The following FAM78B variants were observed in gnomAD, a reference collection of about 807,000 sequenced individuals.
The protein encoded by FAM78B is protein FAM78B.
A neutral mutation model predicts 20.0 loss-of-function variants in FAM78B; 10 were observed. That is an observed-to-expected ratio of 0.50 (90% confidence interval 0.31 to 0.85). The LOEUF is 0.85. Ranked by LOEUF, FAM78B falls within the 40% of genes least tolerant of loss-of-function variation. FAM78B has a pLI of 0.05. For missense variants in FAM78B, 283 were observed against 345.0 expected, an observed-to-expected ratio of 0.82 and a Z score of 1.42; for synonymous variants, 135 against 132.8, an observed-to-expected ratio of 1.02 and a Z score of -0.12.
At chr1:166,150,508 G>A (rs1430247974) in intron 1 of FAM78B, among the ~76,000 whole-genome samples, 1 of 152,078 alleles carries the variant, frequency 6.6e-6, no homozygotes, top group Non-Finnish European at 1.5e-5. Context: ...AGTTGAATTT[G>A]CAAAAATAAA....
chr1:166,071,110 G>C (rs542236941), intron 1 of FAM78B, among the ~76,000 whole-genome samples: 5 of 152,236 alleles, frequency 3.3e-5, no homozygotes, highest in African/African-American at 1.2e-4. Context: ...CCACTTTCTT[G>C]GAAATATGAA....
intron 1 of FAM78B, among the ~76,000 whole-genome samples, chr1:166,072,609 C>T (rs1037155740): frequency 6.6e-6 from 1 of 152,148 alleles, no homozygotes; most frequent in African/African-American, 2.4e-5. Flanking sequence ...ATACTGGAGT[C>T]GGTTTCATGC....
In FAM78B at chr1:166,166,285, A is replaced by G. The variant is rs1021907191; in HGVS notation, c.-37T>C. The G allele has an allele frequency of 1.5e-5, 18 of 1,218,870 alleles. 1 individual carries two copies. The Middle Eastern group carries it at 9.3e-4, about 63-fold the overall frequency. 75.5% of individuals were successfully genotyped at this position (1,218,870 alleles called of 1,614,324 possible). A position where few individuals can be genotyped will look rare whatever the true frequency, so the allele number is the denominator to read the frequency against. On this transcript the variant is annotated 5_prime_UTR_variant, in exon 1 of 2. Transcript: ENST00000354422. ...GTGCCGGCACGGCGCGGCGTGGGGCAGCGCGGGGGCCCGCGCGGGCAGCCG... is the reference window on the plus strand; with the variant it reads ...GTGCCGGCACGGCGCGGCGTGGGGCGGCGCGGGGGCCCGCGCGGGCAGCCG...
At chr1:166,074,344 A>G (rs1456971057) in intron 1 of FAM78B, among the ~76,000 whole-genome samples, 13 of 152,130 alleles carry the variant, frequency 8.5e-5, no homozygotes, top group Admixed American at 5.2e-4. Flanking sequence ...GAGAATCACC[A>G]TATGTATCAC....
intron 1 of FAM78B, among the ~76,000 whole-genome samples, chr1:166,098,546 A>C (rs1181739104): frequency 6.6e-6 from 1 of 152,088 alleles, no homozygotes; most frequent in African/African-American, 2.4e-5. Flanking sequence ...TTAAAGAAAA[A>C]ACAATAAAAA....
intron 1 of FAM78B, among the ~76,000 whole-genome samples, chr1:166,102,036 G>C (rs1451542902): frequency 6.6e-6 from 1 of 152,214 alleles, no homozygotes. Context: ...CAAGCCAGAA[G>C]AGAGTGGGGG....
rs138522179 is a variant in FAM78B at position 166,113,170 on chromosome 1, C to T, written c.264-42407G>A. Among the ~76,000 whole-genome samples the T allele has an allele frequency of 3.4e-3, 513 of 152,356 alleles. 3 individuals are homozygous for T. The highest frequency in any genetic ancestry group is 0.012 in the African/African-American group (485 of 41,586). On this transcript the variant is annotated intron_variant, in intron 1 of 1. Coordinates refer to ENST00000354422, the MANE Select transcript of FAM78B (RefSeq NM_001017961.5). ...GAGGTGAGCAAACCGACTCTCAACA[C>T]GGCCTCTGGACCAGGTTTGTTGGCC...
intron 1 of FAM78B, among the ~76,000 whole-genome samples, chr1:166,105,057 T>C (rs906976704): frequency 6.6e-6 from 1 of 152,102 alleles, no homozygotes; most frequent in African/African-American, 2.4e-5. Context: ...GCCACATATC[T>C]ACAACTATCT....
chr1:166,066,130 G>T (rs1344164864), downstream of FAM78B, among the ~76,000 whole-genome samples: 1 of 152,188 alleles, frequency 6.6e-6, no homozygotes, highest in African/African-American at 2.4e-5. Flanking sequence ...TTGTTCAGCT[G>T]GGACCTCAGT....
At chr1:166,125,801 A>T (rs1654620111) in intron 1 of FAM78B, among the ~76,000 whole-genome samples, 1 of 150,864 alleles carries the variant, frequency 6.6e-6, no homozygotes, top group Admixed American at 6.6e-5. Flanking sequence ...TTGCATTTTG[A>T]ATTTCTGTTA....
intron 1 of FAM78B, among the ~76,000 whole-genome samples, chr1:166,096,376 G>T (rs1653275932): frequency 6.6e-6 from 1 of 152,170 alleles, no homozygotes; most frequent in South Asian, 2.1e-4. Flanking sequence ...TGGATGGGTA[G>T]CTCACTTCAC....
chr1:166,166,261 T>C lies in FAM78B; in HGVS notation c.-13A>G. The C allele has an allele frequency of 3.6e-6, 5 of 1,377,960 alleles. No individual in the cohort carries two copies. Among genetic ancestry groups the C allele is most frequent in the Non-Finnish European group, 4.7e-6 (5 of 1,059,348 alleles). 85.4% of individuals were successfully genotyped at this position (1,377,960 alleles called of 1,614,324 possible). ...GGATACAGCCCATCCTGCAGCCCGG[T>C]GCCGGCACGGCGCGGCGTGGGGCAG... On this transcript the variant is annotated 5_prime_UTR_variant, in exon 1 of 2. Transcript: ENST00000354422.
chr1:166,135,510 T>C (rs1655036197), intron 1 of FAM78B, among the ~76,000 whole-genome samples: 1 of 152,248 alleles, frequency 6.6e-6, no homozygotes, highest in Non-Finnish European at 1.5e-5. Flanking sequence ...TATTGCTCCT[T>C]GTCTGTTTCA....
rs142873273 is a variant in FAM78B at position 166,070,398 on chromosome 1, C to T, written c.629G>A (p.Arg210Gln). The T allele has an allele frequency of 4.5e-5, 72 of 1,614,102 alleles. No individual in the cohort carries two copies. Among genetic ancestry groups the T allele is most frequent in the South Asian group, 1.1e-4 (10 of 91,058 alleles). The change falls in exon 2 of 2, where the codon CGG becomes CAG. Residue 210 changes from arginine (R) to glutamine (Q), a missense_variant. Transcript: ENST00000354422. ...CTCCTGCTGAGTCCTGCCCACCAGC[C>T]GGGCCCGCTGCCCCAAGAGCTGAAG... is the stretch of plus-strand genomic sequence containing the variant. ...DPLQLLGQRA[R>Q]LVGRTQQEQP...
intron 2 of FAM78B, chr1:166,060,709 A>G: frequency 6.1e-6 from 7 of 1,153,456 alleles, no homozygotes; most frequent in South Asian, 1.4e-5. Flanking sequence ...GCATTAAGAC[A>G]GTGATCAAAG....
intron 1 of FAM78B, among the ~76,000 whole-genome samples, chr1:166,116,911 G>T (rs1255133249): frequency 1.3e-5 from 2 of 152,206 alleles, no homozygotes; most frequent in African/African-American, 4.8e-5. Context: ...AGGATCCCAT[G>T]ACGCTTTGTC....
intron 1 of FAM78B, among the ~76,000 whole-genome samples, chr1:166,112,352 C>T (rs1654087630): frequency 6.6e-6 from 1 of 152,076 alleles, no homozygotes; most frequent in Admixed American, 6.6e-5. Flanking sequence ...TTGTGATCTT[C>T]ACCTCAATTC....
chr1:166,074,197 G>C (rs1477496506), intron 1 of FAM78B, among the ~76,000 whole-genome samples: 2 of 152,134 alleles, frequency 1.3e-5, no homozygotes, highest in South Asian at 2.1e-4. Context: ...ACCTTAACAG[G>C]ACATACATGG....
rs543928699 is a variant in FAM78B at position 166,120,389 on chromosome 1, A to T, written c.263+45597T>A. Among the ~76,000 whole-genome samples, 99 of 152,136 alleles carry T rather than the reference A, an allele frequency of 6.5e-4. 1 individual carries two copies. The highest frequency in any genetic ancestry group is 1.1e-3 in the Non-Finnish European group (78 of 68,032). ...ATCCAAAGCCTGGAGGCTTTCTTTCATCACAGTTGCGGGCTGACCGTGCCA... is the reference window on the plus strand; with the variant it reads ...ATCCAAAGCCTGGAGGCTTTCTTTCTTCACAGTTGCGGGCTGACCGTGCCA... On this transcript the variant is annotated intron_variant, in intron 1 of 1. Transcript: ENST00000354422.
Sources: allele counts gnomAD v4.1 joint callset (sites outside exome capture counted in the v4.1 genomes callset), GRCh38; gene constraint gnomAD v4.1.1; transcripts MANE v1.5; gene names NCBI Gene and HGNC (gene_info 2026-07-23, HGNC 2026-07-21).